The following ADAMTS16 variants were observed in gnomAD, a reference collection of about 807,000 sequenced individuals.
The protein encoded by ADAMTS16 is A disintegrin and metalloproteinase with thrombospondin motifs 16.
ADAMTS16 carries 94 observed loss-of-function variants against 145.8 expected under a neutral mutation model. That is an observed-to-expected ratio of 0.64 (90% CI 0.55 to 0.77). ADAMTS16 has a LOEUF of 0.77. Ranked by LOEUF, ADAMTS16 falls within the 30% of genes least tolerant of loss-of-function variation. The probability of loss-of-function intolerance (pLI) is 0.00; values close to 1 mark genes in which losing one functional copy is unlikely to be tolerated. For missense variants in ADAMTS16, 1,585 were observed against 1,591.5 expected (o/e 1.00, Z 0.07); for synonymous variants, 659 against 604.3 (o/e 1.09, Z -1.33).
intron 17 of ADAMTS16, among the ~76,000 whole-genome samples, chr5:5,255,831 CT>C (rs1737761966): frequency 6.6e-6 from 1 of 152,200 alleles, no homozygotes. Flanking sequence ...TCAGATCCCT[CT>C]TTCTGCTTTC....
intron 3 of ADAMTS16, among the ~76,000 whole-genome samples, chr5:5,175,463 C>T (rs929046248): frequency 5.9e-5 from 9 of 152,156 alleles, no homozygotes; most frequent in Non-Finnish European, 1.0e-4. Context: ...GCTGTGCTTT[C>T]TGAAGCTGGG....
chr5:5,297,147 T>C (rs1238616878), intron 18 of ADAMTS16, among the ~76,000 whole-genome samples: 1 of 152,190 alleles, frequency 6.6e-6, no homozygotes, highest in Non-Finnish European at 1.5e-5. Context: ...ATGCAATCAA[T>C]GCTGGAGCCC....
Position 5,319,238 on chromosome 5 carries a change from C to G in ADAMTS16, c.*100C>G, listed in dbSNP as rs987278262. The G allele has an allele frequency of 1.5e-5, 13 of 893,300 alleles. No homozygotes were observed. The highest frequency in any genetic ancestry group is 4.2e-5 in the Admixed American group (2 of 48,158). 55.3% of individuals were successfully genotyped at this position (893,300 alleles called of 1,614,324 possible). On this transcript the variant is annotated 3_prime_UTR_variant, in exon 23 of 23. Transcript: ENST00000274181. ...ACGTCGGAATACATCCAAGGAAGAG[C>G]AAAGCCAAAAGAAGAAAACCGTGTT... is the stretch of plus-strand genomic sequence containing the variant.
intron 2 of ADAMTS16, among the ~76,000 whole-genome samples, chr5:5,141,372 G>A (rs270200): frequency 0.37 from 56,324 of 151,980 alleles, 11,037 homozygotes; most frequent in Admixed American, 0.5. Flanking sequence ...TGACATGAGG[G>A]CAAGTCTTAT....
chr5:5,237,090 G>C lies in ADAMTS16; in HGVS notation c.2145G>C (p.Gly715=). Residue 715 remains glycine, a synonymous_variant, in exon 14 of 23, where the codon GGG becomes GGC. Coordinates refer to ENST00000274181, the MANE Select transcript of ADAMTS16 (RefSeq NM_139056.4). The part of the protein sequence containing the change: ...SEDSRNVCID[G]ICERVGCDNV... ...ATAGCCGTAATGTTTGTATAGATGGGATATGTGAGGTAATCATGATCCTTC... is the reference window on the plus strand; with the variant it reads ...ATAGCCGTAATGTTTGTATAGATGGCATATGTGAGGTAATCATGATCCTTC... The C allele has an allele frequency of 6.2e-7, 1 of 1,613,190 alleles. No individual in the cohort carries two copies. The highest frequency in any genetic ancestry group is 8.5e-7 in the Non-Finnish European group (1 of 1,179,722).
chr5:5,272,762 C>A (rs1738533665), intron 18 of ADAMTS16, among the ~76,000 whole-genome samples: 1 of 152,208 alleles, frequency 6.6e-6, no homozygotes, highest in Non-Finnish European at 1.5e-5. Context: ...TCTGTGTCAA[C>A]ATGGCTTTCT....
intron 3 of ADAMTS16, among the ~76,000 whole-genome samples, chr5:5,162,612 T>TGAGAAAGCC: frequency 6.6e-6 from 1 of 152,304 alleles, no homozygotes; most frequent in African/African-American, 2.4e-5. Flanking sequence ...ATGACCTTGC[T>TGAGAAAGCC]GAGAAAGCCA....
chr5:5,190,915 G>A (rs547955839), intron 7 of ADAMTS16, among the ~76,000 whole-genome samples: 3 of 152,002 alleles, frequency 2.0e-5, no homozygotes, highest in Non-Finnish European at 4.4e-5. Context: ...CCTAAATTGT[G>A]TGTACAAACA....
At chr5:5,297,280 G>A (rs990939366) in intron 18 of ADAMTS16, among the ~76,000 whole-genome samples, 1 of 152,158 alleles carries the variant, frequency 6.6e-6, no homozygotes, top group African/African-American at 2.4e-5. Context: ...GGATGCAGGA[G>A]TCAACACCAG....
At chr5:5,315,541 A>C (rs1441280246) in intron 21 of ADAMTS16, among the ~76,000 whole-genome samples, 1 of 152,200 alleles carries the variant, frequency 6.6e-6, no homozygotes, top group Non-Finnish European at 1.5e-5. Context: ...CTTATCATAA[A>C]ATAAATCTAA....
At chr5:5,231,024 GACA>G (rs770979435) in intron 11 of ADAMTS16, among the ~76,000 whole-genome samples, 39 of 152,234 alleles carry the variant, frequency 2.6e-4, no homozygotes, top group Non-Finnish European at 5.0e-4. Flanking sequence ...AAAAGAAAAC[GACA>G]ACAACTAGCA....
intron 21 of ADAMTS16, among the ~76,000 whole-genome samples, chr5:5,315,960 A>G (rs969458603): frequency 6.6e-6 from 1 of 152,156 alleles, no homozygotes; most frequent in Non-Finnish European, 1.5e-5. Flanking sequence ...GAGGGGAAAA[A>G]AACAGACAAA....
chr5:5,242,928 A>G (rs1238641994), intron 17 of ADAMTS16, among the ~76,000 whole-genome samples: 2 of 152,242 alleles, frequency 1.3e-5, no homozygotes, highest in Admixed American at 6.5e-5. Context: ...ACAAGTTTCC[A>G]TCTGGCCAAA....
At chr5:5,311,115 T>G (rs1740409416) in intron 21 of ADAMTS16, among the ~76,000 whole-genome samples, 1 of 151,902 alleles carries the variant, frequency 6.6e-6, no homozygotes, top group Non-Finnish European at 1.5e-5. Context: ...CATTGAGAAG[T>G]GAGGGACTTG....
chr5:5,232,901 C>T (rs548562872), intron 12 of ADAMTS16, among the ~76,000 whole-genome samples: 1 of 152,236 alleles, frequency 6.6e-6, no homozygotes, highest in Non-Finnish European at 1.5e-5. Flanking sequence ...TCGCGCCCGG[C>T]CTCAGCTCTT....
rs1190186713 is a variant in ADAMTS16 at position 5,317,527 on chromosome 5, T to C, written c.3412-607T>C. The stretch of plus-strand genomic sequence containing the variant: ...CTCATGCCTCAGCTTCCCAAGTAGC[T>C]GGGATTACAGGTGCCCACCACCAGG... On this transcript the variant is annotated intron_variant, in intron 21 of 22. Transcript: ENST00000274181. The surrounding 1 kb of genome is among the most constrained non-coding windows in gnomAD (Gnocchi z 4.5). Among the ~76,000 whole-genome samples, 1 of 152,112 alleles carries C rather than the reference T, an allele frequency of 6.6e-6. No individual in the cohort carries two copies. The highest frequency in any genetic ancestry group is 1.5e-5 in the Non-Finnish European group (1 of 68,036).
rs1175221806 is a variant in ADAMTS16 at position 5,319,022 on chromosome 5, G to A, written c.3560-1G>A. 1.2e-6 allele frequency: 2 copies of A among 1,608,476 alleles called. No homozygotes were observed. The highest frequency in any genetic ancestry group is 4.5e-5 in the East Asian group (2 of 44,856). Reference sequence around the variant, plus strand: ...AGTAATGCAGCTCTGCTCATTTTCAGATGCCTTCTGCAAAGACTACTTCCA... The same window carrying A: ...AGTAATGCAGCTCTGCTCATTTTCAAATGCCTTCTGCAAAGACTACTTCCA... On this transcript the variant is annotated splice_acceptor_variant, in intron 22 of 22. Coordinates refer to ENST00000274181, the MANE Select transcript of ADAMTS16 (RefSeq NM_139056.4). LOFTEE classifies it high-confidence loss of function.
chr5:5,186,652 A>G (rs1310513923), intron 5 of ADAMTS16, among the ~76,000 whole-genome samples: 1 of 152,286 alleles, frequency 6.6e-6, no homozygotes, highest in Middle Eastern at 3.4e-3. Flanking sequence ...TAGAAATACT[A>G]ATGTTCAAAT....
chr5:5,307,447 C>T (rs1035693868), intron 21 of ADAMTS16, among the ~76,000 whole-genome samples: 6 of 152,202 alleles, frequency 3.9e-5, no homozygotes, highest in East Asian at 1.9e-4. Flanking sequence ...TGCAGAGGCC[C>T]TGGCTCTGAT....
Sources: gnomAD v4.1 joint callset for allele counts (sites outside exome capture counted in the v4.1 genomes callset) on GRCh38, gnomAD v4.1.1 for gene constraint, Gnocchi (gnomAD v3.1) non-coding constraint, MANE v1.5 for transcripts, NCBI Gene and HGNC (gene_info 2026-07-23, HGNC 2026-07-21) for gene names.